The following DLEU7 variants were observed in gnomAD, a reference collection of about 807,000 sequenced individuals.
DLEU7 encodes deleted in lymphocytic leukemia 7, also known as leukemia-associated protein 7.
In DLEU7, 17 loss-of-function variants were observed where a neutral mutation model predicts 16.0. That is an observed-to-expected ratio of 1.06 (90% CI 0.73 to 1.59). The LOEUF is 1.59. DLEU7 is among the 40% of genes most tolerant of loss of function. The pLI is 0.00. For missense variants in DLEU7, 308 were observed against 314.9 expected, an observed-to-expected ratio of 0.98 and a Z score of 0.17; for synonymous variants, 113 against 139.8, an observed-to-expected ratio of 0.81 and a Z score of 1.35.
chr13:50,747,406 T>TTG (rs911789141), intron 1 of DLEU7, among the ~76,000 whole-genome samples: 3 of 129,470 alleles, frequency 2.3e-5, no homozygotes, highest in African/African-American at 5.8e-5. Flanking sequence ...GTGCGCGCAT[T>TTG]TGTGTGTGTG....
intron 1 of DLEU7, among the ~76,000 whole-genome samples, chr13:50,740,701 T>G (rs1357722067): frequency 6.6e-6 from 1 of 152,098 alleles, no homozygotes; most frequent in African/African-American, 2.4e-5. Flanking sequence ...ACATATAAAT[T>G]TACAAGCTCT....
chr13:50,754,216 T>C (rs1187589795), intron 1 of DLEU7, among the ~76,000 whole-genome samples: 1 of 152,220 alleles, frequency 6.6e-6, no homozygotes. Context: ...TTAAATCCAT[T>C]GTTTCCTTGT....
intron 1 of DLEU7, among the ~76,000 whole-genome samples, chr13:50,776,743 T>G (rs1213167489): frequency 6.6e-6 from 1 of 152,188 alleles, no homozygotes; most frequent in African/African-American, 2.4e-5. Flanking sequence ...AAAATGTTGA[T>G]TTTCATATCT....
downstream of DLEU7, among the ~76,000 whole-genome samples, chr13:50,821,342 G>A (rs1271576655): frequency 6.6e-6 from 1 of 151,990 alleles, no homozygotes; most frequent in East Asian, 1.9e-4. Flanking sequence ...GGGGAGGGGT[G>A]TAAAAAGGTG....
At chr13:50,745,112 T>C (rs1409829721) in intron 1 of DLEU7, among the ~76,000 whole-genome samples, 4 of 152,178 alleles carry the variant, frequency 2.6e-5, no homozygotes, top group Non-Finnish European at 5.9e-5. Context: ...CAGATGCTTG[T>C]ACACCTATGT....
chr13:50,723,835 TA>T (rs969784259), intron 1 of DLEU7, among the ~76,000 whole-genome samples: 48 of 151,178 alleles, frequency 3.2e-4, no homozygotes, highest in South Asian at 4.2e-4. Flanking sequence ...AAAAAAATAA[TA>T]AAAAAAATAT....
intron 1 of DLEU7, among the ~76,000 whole-genome samples, chr13:50,793,414 T>C (rs1044487312): frequency 9.9e-5 from 15 of 152,232 alleles, no homozygotes; most frequent in African/African-American, 2.9e-4. Context: ...TCTCAGTTCT[T>C]TGAGAAATCT....
intron 1 of DLEU7, chr13:50,840,172 A>C (rs1467367306): frequency 3.3e-5 from 5 of 152,210 alleles, no homozygotes; most frequent in Non-Finnish European, 5.9e-5. Flanking sequence ...AGTTATTTCC[A>C]TTCCCGGAAA....
At chr13:50,786,489 G>C (rs1476740200) in intron 1 of DLEU7, among the ~76,000 whole-genome samples, 1 of 152,132 alleles carries the variant, frequency 6.6e-6, no homozygotes, top group East Asian at 1.9e-4. Context: ...GTGCATATTT[G>C]TTAAATGAAA....
At chr13:50,799,503 G>A (rs1008355439) in intron 1 of DLEU7, among the ~76,000 whole-genome samples, 1 of 152,132 alleles carries the variant, frequency 6.6e-6, no homozygotes, top group African/African-American at 2.4e-5. Context: ...AGACAATTGT[G>A]CGTCTCTGCA....
chr13:50,835,535 G>T (rs1188883451), intron 1 of DLEU7, among the ~76,000 whole-genome samples: 1 of 152,212 alleles, frequency 6.6e-6, no homozygotes, highest in Non-Finnish European at 1.5e-5. Flanking sequence ...TGGAAGACTG[G>T]CCTGTTGGCC....
rs1257669328 is a variant in DLEU7, at chr13:50,799,748, T to C, written c.459+43440A>G. On this transcript the variant is annotated intron_variant, in intron 1 of 1. Coordinates refer to the DLEU7 transcript ENST00000400393. ...GGAGTGGTATTATATTAGGACCCTC[T>C]TGTTTGTGGGCAGCAATTACAACTT... is the stretch of plus-strand genomic sequence containing the variant. Among the ~76,000 whole-genome samples, 3 of 152,222 alleles carry C rather than the reference T, an allele frequency of 2.0e-5. No homozygotes were observed. In the East Asian group the frequency reaches 5.8e-4, roughly 29 times the overall value.
intron 1 of DLEU7, among the ~76,000 whole-genome samples, chr13:50,750,419 C>T (rs1874528100): frequency 6.6e-6 from 1 of 151,986 alleles, no homozygotes; most frequent in South Asian, 2.1e-4. Flanking sequence ...GCTATGCGGG[C>T]TCTTTTTTGG....
At chr13:50,835,753 T>C (rs1419829214) in intron 1 of DLEU7, among the ~76,000 whole-genome samples, 1 of 152,248 alleles carries the variant, frequency 6.6e-6, no homozygotes, top group African/African-American at 2.4e-5. Flanking sequence ...TTTTCTGCAT[T>C]CTGCATTGTG....
downstream of DLEU7, among the ~76,000 whole-genome samples, chr13:50,819,227 T>C (rs1808578008): frequency 6.6e-6 from 1 of 152,030 alleles, no homozygotes; most frequent in South Asian, 2.1e-4. Flanking sequence ...CTCCTTGAAA[T>C]AGATGAGAAA....
intron 1 of DLEU7, among the ~76,000 whole-genome samples, chr13:50,781,659 T>C (rs1593393615): frequency 6.6e-6 from 1 of 152,256 alleles, no homozygotes; most frequent in East Asian, 1.9e-4. Context: ...TGGCATAAAT[T>C]ATCAATAGCA....
intron 1 of DLEU7, among the ~76,000 whole-genome samples, chr13:50,760,362 G>T (rs1874893675): frequency 6.6e-6 from 1 of 152,052 alleles, no homozygotes; most frequent in African/African-American, 2.4e-5. Context: ...GGTGGGAGCT[G>T]GGGGCAATGG....
chr13:50,724,927 A>G (rs1252510225), intron 1 of DLEU7, among the ~76,000 whole-genome samples: 2 of 152,174 alleles, frequency 1.3e-5, no homozygotes, highest in Non-Finnish European at 2.9e-5. Context: ...CTTGTAACCT[A>G]CATTGCCTCA....
chr13:50,830,923 T>C (rs974094491), intron 1 of DLEU7, among the ~76,000 whole-genome samples: 1 of 152,176 alleles, frequency 6.6e-6, no homozygotes, highest in African/African-American at 2.4e-5. Flanking sequence ...ATTATGGCTA[T>C]TATGCCTATG....
Sources: allele counts gnomAD v4.1 joint callset (sites outside exome capture counted in the v4.1 genomes callset), GRCh38; gene constraint gnomAD v4.1.1; transcripts MANE v1.5; gene names NCBI Gene and HGNC (gene_info 2026-07-23, HGNC 2026-07-21).